The following CAPRIN2 variants were observed in gnomAD, a reference collection of about 807,000 sequenced individuals.
The protein encoded by CAPRIN2 is caprin-2.
In CAPRIN2, 66 loss-of-function variants were observed where a neutral mutation model predicts 130.4. That is an observed-to-expected ratio of 0.51 (90% CI 0.42 to 0.62). The LOEUF (loss-of-function observed/expected upper bound fraction) is 0.62. Ranked by LOEUF, CAPRIN2 falls within the 20% of genes least tolerant of loss-of-function variation. The pLI is 0.00. For missense variants in CAPRIN2, 1,185 were observed against 1,246.6 expected (o/e 0.95, Z 0.74); for synonymous variants, 471 against 444.1 (o/e 1.06, Z -0.76).
chr12:30,753,245 A>G lies in CAPRIN2; in HGVS notation c.420+99T>C, dbSNP rs1027283471. ...AAAGCAGCTAAACCTAAGGTTAGTT[A>G]AATTTTTAGTAGAGAACACCTATGA... On this transcript the variant is annotated intron_variant, in intron 1 of 16. Transcript: ENST00000298892. 8.1e-6 allele frequency: 8 copies of G among 986,902 alleles called. No individual in the cohort carries two copies. The African/African-American group carries it at 1.3e-4, about 16-fold the overall frequency. 61.1% of individuals were successfully genotyped at this position (986,902 alleles called of 1,614,324 possible).
intron 2 of CAPRIN2, among the ~76,000 whole-genome samples, chr12:30,748,548 CA>C (rs533659883): frequency 3.0e-4 from 46 of 152,164 alleles, no homozygotes; most frequent in Non-Finnish European, 5.3e-4. Context: ...ACTGGGAAAC[CA>C]AAAATTTGTG....
chr12:30,723,631 C>T (rs11051044), intron 10 of CAPRIN2, among the ~76,000 whole-genome samples: 34,060 of 151,736 alleles, frequency 0.22, 4,050 homozygotes, highest in Middle Eastern at 0.31. Context: ...AAGACCCAGG[C>T]TACCATGTAT....
At chr12:30,709,693 A>G in exon 17 of CAPRIN2, 1 of 528,718 alleles carries the variant, frequency 1.9e-6, no homozygotes. Flanking sequence ...TAGCGAGGCT[A>G]CATCACAATT....
intron 12 of CAPRIN2, among the ~76,000 whole-genome samples, chr12:30,718,582 A>G (rs1268853549): frequency 1.3e-5 from 2 of 152,260 alleles, no homozygotes; most frequent in Non-Finnish European, 1.5e-5. Context: ...CAATTTGTAG[A>G]AAAATACGTA....
At chr12:30,715,236 G>T in intron 13 of CAPRIN2, 95 bp from the exon 16 acceptor site, 3 of 1,003,182 alleles carry the variant, frequency 3.0e-6, no homozygotes, top group Non-Finnish European at 4.5e-6. Flanking sequence ...AATACAATTT[G>T]CTGCCTTTAA....
intron 2 of CAPRIN2, among the ~76,000 whole-genome samples, chr12:30,744,720 C>T (rs2069128392): frequency 6.6e-6 from 1 of 152,166 alleles, no homozygotes; most frequent in East Asian, 1.9e-4. Flanking sequence ...TCTGTATTTG[C>T]TTATTCCCCA....
In CAPRIN2 at chr12:30,734,949, A is replaced by C. The variant is rs185246814; in HGVS notation, c.809+19T>G. On this transcript the variant is annotated intron_variant, in intron 4 of 16. Transcript: ENST00000298892. ...AGTGTCAAGTGTTTCATTTCAGGAA[A>C]ATCTTTTCATTAGCTTACCTCAGAC... 1.4e-3 allele frequency: 2,111 copies of C among 1,557,998 alleles called. 5 individuals carry two copies. Among genetic ancestry groups the C allele is most frequent in the Non-Finnish European group, 1.3e-3 (1,506 of 1,129,358 alleles).
exon 5 of CAPRIN2, chr12:30,733,668 G>A (rs772271486): frequency 1.2e-6 from 2 of 1,613,514 alleles, no homozygotes; most frequent in Middle Eastern, 1.7e-4. Flanking sequence ...CCTTCCAAAA[G>A]GTCCCAAAAG....
intron 12 of CAPRIN2, among the ~76,000 whole-genome samples, chr12:30,717,256 A>G (rs953499995): frequency 1.4e-4 from 21 of 152,254 alleles, no homozygotes; most frequent in Admixed American, 6.5e-5. Context: ...CCATACAAAA[A>G]TGAAATCCTG....
intron 12 of CAPRIN2, 33 bp from the exon 15 acceptor site, chr12:30,716,709 G>T: frequency 6.3e-7 from 1 of 1,595,360 alleles, no homozygotes; most frequent in Non-Finnish European, 8.5e-7. Context: ...AGTCATTTGG[G>T]AAGTTTCAAA....
intron 9 of CAPRIN2, among the ~76,000 whole-genome samples, chr12:30,724,815 C>T (rs1457191583): frequency 2.0e-5 from 3 of 151,894 alleles, no homozygotes; most frequent in Non-Finnish European, 4.4e-5. Context: ...AAAAGCGAGA[C>T]CTTGTTGCTA....
chr12:30,712,489 A>G (rs2055306357), intron 15 of CAPRIN2, among the ~76,000 whole-genome samples: 1 of 152,162 alleles, frequency 6.6e-6, no homozygotes, highest in South Asian at 2.1e-4. Context: ...GGATCACATA[A>G]TAACATCTAA....
At chr12:30,750,920 C>T (rs914366703) in intron 2 of CAPRIN2, 151 bp downstream of exon 3, 24 of 640,500 alleles carry the variant, frequency 3.7e-5, no homozygotes, top group African/African-American at 3.1e-4. Context: ...CTAACAGGCA[C>T]AAACAACAAA....
At chr12:30,734,259 T>C (rs964700662) in intron 4 of CAPRIN2, among the ~76,000 whole-genome samples, 3 of 152,214 alleles carry the variant, frequency 2.0e-5, no homozygotes, top group South Asian at 2.1e-4. Flanking sequence ...GGCTTCTTTC[T>C]GATCAGAGAC....
chr12:30,730,621 T>C (rs1367597229), intron 6 of CAPRIN2, among the ~76,000 whole-genome samples: 1 of 152,046 alleles, frequency 6.6e-6, no homozygotes, highest in Non-Finnish European at 1.5e-5. Context: ...TCCCATGGGG[T>C]AAAAATTGGT....
intron 4 of CAPRIN2, 107 bp downstream of exon 5, chr12:30,734,850 ACACACACACAC>A (rs2063977518): frequency 2.7e-5 from 4 of 146,496 alleles, no homozygotes; most frequent in Admixed American, 1.0e-4. Context: ...CCCCTCTCTA[ACACACACACAC>A]ACACACACAC....
chr12:30,742,846 T>C (rs755925132), intron 2 of CAPRIN2, among the ~76,000 whole-genome samples: 2 of 152,168 alleles, frequency 1.3e-5, no homozygotes, highest in South Asian at 2.1e-4. Context: ...TTTTAACTTA[T>C]ATGGAATATA....
chr12:30,736,419 A>AT (rs2064838443), intron 3 of CAPRIN2, among the ~76,000 whole-genome samples: 1 of 151,398 alleles, frequency 6.6e-6, no homozygotes, highest in Non-Finnish European at 1.5e-5. Flanking sequence ...AACCACTAAG[A>AT]TTTTTCCTAT....
At chr12:30,749,230 G>A (rs7973128) in intron 2 of CAPRIN2, among the ~76,000 whole-genome samples, 4,172 of 152,240 alleles carry the variant, frequency 0.027, 181 homozygotes, top group African/African-American at 0.094. Flanking sequence ...TGGAGCTAGC[G>A]AGGGAAAGAA....
Sources: allele counts gnomAD v4.1 joint callset (sites outside exome capture counted in the v4.1 genomes callset), GRCh38; gene constraint gnomAD v4.1.1; transcripts MANE v1.5; gene names NCBI Gene and HGNC (gene_info 2026-07-23, HGNC 2026-07-21).